The following KDM4B variants were observed in gnomAD, a reference collection of about 807,000 sequenced individuals.
KDM4B encodes lysine-specific demethylase 4B.
A neutral mutation model predicts 125.2 loss-of-function variants in KDM4B; 32 were observed. That is an observed-to-expected ratio of 0.26 (90% CI 0.19 to 0.34). KDM4B has a LOEUF of 0.34. Among genes scored for constraint, KDM4B ranks in the 10% least tolerant of loss-of-function variants. KDM4B has a pLI of 1.00. For missense variants in KDM4B, 1,190 were observed against 1,577.7 expected (o/e 0.75, Z 4.16); for synonymous variants, 721 against 677.9 (o/e 1.06, Z -0.99).
intron 1 of KDM4B, among the ~76,000 whole-genome samples, chr19:4,988,168 G>A (rs1011733599): frequency 3.9e-5 from 6 of 152,244 alleles, no homozygotes; most frequent in African/African-American, 1.2e-4. Flanking sequence ...GACAGGCTGC[G>A]GGCTCCTCCC....
At chr19:5,069,370 C>T (rs919909875) in intron 6 of KDM4B, among the ~76,000 whole-genome samples, 3 of 151,924 alleles carry the variant, frequency 2.0e-5, no homozygotes, top group East Asian at 1.9e-4. Context: ...AGTGCCGTGG[C>T]GCAATCTTGG....
At chr19:5,052,859 T>A (rs990578164) in intron 6 of KDM4B, among the ~76,000 whole-genome samples, 1 of 152,324 alleles carries the variant, frequency 6.6e-6, no homozygotes, top group Non-Finnish European at 1.5e-5. Flanking sequence ...CCACTGGGAC[T>A]TCCAGCTTCT....
chr19:4,998,375 A>G (rs554494559), intron 1 of KDM4B, among the ~76,000 whole-genome samples: 1 of 152,188 alleles, frequency 6.6e-6, no homozygotes, highest in African/African-American at 2.4e-5. Flanking sequence ...ACATAATTTC[A>G]GACTGACCCC....
Position 5,151,507 on chromosome 19 carries a change from T to C in KDM4B, c.3287T>C (p.Phe1096Ser), listed in dbSNP as rs1462454818. The change falls in exon 23 of 23, where the codon TTC becomes TCC. Residue 1096 changes from phenylalanine (F) to serine (S), a missense_variant. Phe to Ser is a radical substitution (Grantham distance 155). Around this residue, in one of 7 missense-constraint regions of KDM4B, gnomAD observed 109 missense variants for 93.8 expected, o/e 1.16. Coordinates refer to ENST00000159111, the MANE Select transcript of KDM4B (RefSeq NM_015015.3). ...LQVQGRPGAPF is the reference protein window; with the variant it reads ...LQVQGRPGAPS ...GTGCAGGGCCGGCCCGGAGCCCCCT[T>C]CTAGGACAGCTGGCCGCTCAGGCGA... 1 of 1,401,048 alleles carries C rather than the reference T, an allele frequency of 7.1e-7. No homozygotes were observed. The highest frequency in any genetic ancestry group is 2.6e-4 in the Middle Eastern group (1 of 3,824). 86.8% of individuals were successfully genotyped at this position (1,401,048 alleles called of 1,614,324 possible).
Position 5,137,955 on chromosome 19 carries a change from C to T in KDM4B, c.2442-7C>T. 6.2e-7 allele frequency: 1 copy of T among 1,609,500 alleles called. No homozygotes were observed. Among genetic ancestry groups the T allele is most frequent in the East Asian group, 2.2e-5 (1 of 44,834 alleles). ...CGCACCTGACCCCGCTGCACCTGCC[C>T]TCCCAGGTGGATCCACGTGATCTGT... On this transcript the variant is annotated splice_polypyrimidine_tract_variant and splice_region_variant and intron_variant, in intron 17 of 22. Coordinates refer to ENST00000159111, the MANE Select transcript of KDM4B (RefSeq NM_015015.3).
chr19:5,152,656 G>A lies in KDM4B; in HGVS notation c.*1145G>A, dbSNP rs949668606. The A allele has an allele frequency of 6.6e-6, 1 of 152,276 alleles. No homozygotes were observed. 9.4% of individuals were successfully genotyped at this position (152,276 alleles called of 1,614,324 possible). A position where few individuals can be genotyped will look rare whatever the true frequency, so the allele number is the denominator to read the frequency against. On this transcript the variant is annotated 3_prime_UTR_variant, in exon 23 of 23. Transcript: ENST00000159111. ...GAGGGGAATCTGCTTCTTAGGAGTGGGTTGAGCTGATAGAGAAAAAACGGC... is the reference window on the plus strand; with the variant it reads ...GAGGGGAATCTGCTTCTTAGGAGTGAGTTGAGCTGATAGAGAAAAAACGGC...
chr19:5,119,885 T>C, intron 11 of KDM4B, 33 bp downstream of exon 11: 3 of 1,541,600 alleles, frequency 1.9e-6, no homozygotes, highest in Non-Finnish European at 2.6e-6. Context: ...CTGGCACCGC[T>C]GTTTTCCCAC....
Position 4,989,440 on chromosome 19 carries a change from C to T in KDM4B, c.-109+20210C>T, listed in dbSNP as rs143031863. The stretch of plus-strand genomic sequence containing the variant: ...GTAACCTCCGTCTCCCAGGTTCAAG[C>T]GATTCTCCTGCCTCAGCCTCCCCCA... On this transcript the variant is annotated intron_variant, in intron 1 of 22. Transcript: ENST00000159111. Among the ~76,000 whole-genome samples, 94 of 152,060 alleles carry T rather than the reference C, an allele frequency of 6.2e-4. 1 individual carries two copies. The East Asian group carries it at 0.01, about 16-fold the overall frequency.
chr19:5,073,886 G>A (rs530653400), intron 7 of KDM4B, among the ~76,000 whole-genome samples: 5 of 152,302 alleles, frequency 3.3e-5, no homozygotes, highest in South Asian at 2.1e-4. Context: ...AGAGGCTGAC[G>A]TCAGAGGATT....
At chr19:5,145,949 A>C (rs2620833) in intron 21 of KDM4B, among the ~76,000 whole-genome samples, 2 of 152,066 alleles carry the variant, frequency 1.3e-5, no homozygotes, top group East Asian at 3.9e-4. Flanking sequence ...CCGAGGCCGC[A>C]TTAAGGAAAG....
chr19:5,111,794 G>A (rs192528253), intron 10 of KDM4B: 17 of 765,018 alleles, frequency 2.2e-5, no homozygotes, highest in African/African-American at 2.2e-4. Context: ...CCTGTGTCTC[G>A]ACGTCTCGAC....
chr19:5,042,457 G>A (rs369732758), intron 5 of KDM4B, among the ~76,000 whole-genome samples: 21 of 150,978 alleles, frequency 1.4e-4, no homozygotes, highest in African/African-American at 3.2e-4. Flanking sequence ...CCAAGATCGC[G>A]CCACTGCCCC....
rs374475077 is a variant in KDM4B, at chr19:5,144,875, C to G, written c.2994C>G (p.Ile998Met). ...TDGNLYKAKF[I>M]SSVTSHIYQV... is the part of the protein sequence containing the mutation. ...GCAACCTCTACAAGGCCAAGTTCATCTCCTCCGTCACCAGCCACATCTACC... is the reference window on the plus strand; with the variant it reads ...GCAACCTCTACAAGGCCAAGTTCATGTCCTCCGTCACCAGCCACATCTACC... Residue 998 changes from isoleucine (I) to methionine (M), a missense_variant, in exon 21 of 23, where the codon ATC becomes ATG. Around this residue, in one of 7 missense-constraint regions of KDM4B, gnomAD observed 298 missense variants for 439.7 expected, o/e 0.68. Transcript: ENST00000159111. The G allele has an allele frequency of 6.8e-6, 11 of 1,612,936 alleles. No individual in the cohort carries two copies. The highest frequency in any genetic ancestry group is 8.5e-6 in the Non-Finnish European group (10 of 1,179,752).
At chr19:5,087,145 A>G (rs998885145) in intron 9 of KDM4B, among the ~76,000 whole-genome samples, 1 of 152,228 alleles carries the variant, frequency 6.6e-6, no homozygotes, top group African/African-American at 2.4e-5. Flanking sequence ...ACACGGCCTC[A>G]TTCACTCCCC....
chr19:5,147,673 G>A (rs1253782972), intron 21 of KDM4B, among the ~76,000 whole-genome samples: 2 of 149,582 alleles, frequency 1.3e-5, no homozygotes, highest in Non-Finnish European at 3.0e-5. Context: ...AGCCTGGGAG[G>A]TTGAGGATTC....
At chr19:5,113,947 TC>T in intron 10 of KDM4B, 2 of 1,225,590 alleles carry the variant, frequency 1.6e-6, no homozygotes, top group Non-Finnish European at 2.1e-6. Flanking sequence ...CACGGCCTAC[TC>T]CCTGCTCGCC....
At chr19:4,994,475 A>T (rs1259669418) in intron 1 of KDM4B, among the ~76,000 whole-genome samples, 2 of 149,870 alleles carry the variant, frequency 1.3e-5, no homozygotes, top group African/African-American at 4.9e-5. Flanking sequence ...AGGCAGGAGA[A>T]TCGCTTGAAC....
chr19:5,061,878 A>G (rs2037611568), intron 6 of KDM4B, among the ~76,000 whole-genome samples: 1 of 152,060 alleles, frequency 6.6e-6, no homozygotes, highest in South Asian at 2.1e-4. Flanking sequence ...AAAAAAAAAC[A>G]GAAGAAAGAA....
chr19:5,135,285 G>GC, intron 14 of KDM4B, 54 bp from the exon 15 acceptor site: 1 of 1,319,352 alleles, frequency 7.6e-7, no homozygotes, highest in Non-Finnish European at 1.1e-6. Flanking sequence ...CGCGCCGCCC[G>GC]CCCGCCTGCC....
Sources: gnomAD v4.1 joint callset for allele counts (sites outside exome capture counted in the v4.1 genomes callset) on GRCh38, gnomAD v4.1.1 for gene constraint, gnomAD v4.1.1 regional missense constraint, MANE v1.5 for transcripts, NCBI Gene and HGNC (gene_info 2026-07-23, HGNC 2026-07-21) for gene names.